Variants in RPF1 observed in about 807,000 individuals in gnomAD.
RPF1 encodes the protein ribosome production factor 1.
In RPF1, 34 loss-of-function variants were observed where a neutral mutation model predicts 41.9. The ratio of observed to expected loss-of-function variants is 0.81; its 90% confidence interval spans 0.62 to 1.08. The LOEUF (loss-of-function observed/expected upper bound fraction) is 1.08. Ranked by LOEUF, RPF1 falls within the 50% of genes least tolerant of loss-of-function variation. The pLI, the probability that RPF1 is intolerant of heterozygous loss-of-function variation, is 0.00. For missense variants in RPF1, 425 were observed against 435.2 expected, an observed-to-expected ratio of 0.98 and a Z score of 0.21; for synonymous variants, 140 against 148.9, an observed-to-expected ratio of 0.94 and a Z score of 0.43.
Position 84,485,089 on chromosome 1 carries a change from T to C in RPF1, c.366+2094T>C, listed in dbSNP as rs1012788095. Among the ~76,000 whole-genome samples the C allele has an allele frequency of 8.6e-5, 13 of 152,004 alleles. No individual in the cohort carries two copies. The East Asian group carries it at 1.7e-3, about 20-fold the overall frequency. ...TTATTTATGTTTCATATACATCTTA[T>C]ACACATAGCCTAAAGGTAACTTTTT... is the stretch of plus-strand genomic sequence containing the variant. On this transcript the variant is annotated intron_variant, in intron 3 of 8. Transcript: ENST00000370654.
rs1681972279 is a variant in RPF1 at position 84,497,889 on chromosome 1, T to G, written c.*419T>G. The stretch of plus-strand genomic sequence containing the variant: ...AATGGAGGCCAGGTTTCTGGATGTT[T>G]TAACATTCTCTTAAGCCTTCAGAAG... On this transcript the variant is annotated 3_prime_UTR_variant, in exon 9 of 9. Transcript: ENST00000370654. The G allele has an allele frequency of 6.5e-6, 1 of 154,368 alleles. No individual in the cohort carries two copies. The highest frequency in any genetic ancestry group is 2.4e-5 in the African/African-American group (1 of 41,552). 9.6% of individuals were successfully genotyped at this position (154,368 alleles called of 1,614,324 possible).
intron 3 of RPF1, among the ~76,000 whole-genome samples, chr1:84,484,788 C>T (rs886863018): frequency 1.3e-5 from 2 of 150,760 alleles, no homozygotes; most frequent in South Asian, 2.1e-4. Flanking sequence ...CAGGTTCAAG[C>T]GATTCTCCTG....
At chr1:84,494,985 C>T (rs192177462) in intron 5 of RPF1, among the ~76,000 whole-genome samples, 29 of 152,198 alleles carry the variant, frequency 1.9e-4, no homozygotes, top group African/African-American at 6.5e-4. Flanking sequence ...ATCTTTAGAA[C>T]GTGGAGGTAA....
At chr1:84,480,113 T>A (rs1328327803) in intron 1 of RPF1, among the ~76,000 whole-genome samples, 2 of 152,222 alleles carry the variant, frequency 1.3e-5, no homozygotes, top group Non-Finnish European at 2.9e-5. Flanking sequence ...TGCTTATTCT[T>A]GCACATCGTA....
At chr1:84,495,285 G>A (rs1243592066) in intron 5 of RPF1, 88 bp from the exon 6 acceptor site, 3 of 708,104 alleles carry the variant, frequency 4.2e-6, no homozygotes, top group African/African-American at 1.8e-5. Flanking sequence ...ACAGATTTTA[G>A]GGGCCTTTGG....
rs1024311403 is a variant in RPF1 at position 84,497,367 on chromosome 1, T to C, written c.1009-62T>C. The C allele has an allele frequency of 1.7e-4, 244 of 1,399,988 alleles. 2 individuals are homozygous for C. The highest frequency in any genetic ancestry group is 4.1e-5 in the Non-Finnish European group (41 of 994,298). The allele number at this position is 1,399,988 out of a possible 1,614,324, so 86.7% of individuals were successfully genotyped here. The stretch of plus-strand genomic sequence containing the variant: ...GGACGTTAACTTTTACTGTCTTACC[T>C]GAATTGTTAATTATATTTTTGTTTT... On this transcript the variant is annotated intron_variant, in intron 8 of 8. Transcript: ENST00000370654.
intron 3 of RPF1, among the ~76,000 whole-genome samples, chr1:84,488,482 C>T (rs1221786463): frequency 6.6e-6 from 1 of 151,998 alleles, no homozygotes; most frequent in African/African-American, 2.4e-5. Context: ...GTTGGGATAT[C>T]GTTTTCATTT....
Position 84,479,286 on chromosome 1 carries a change from C to G in RPF1, c.5C>G (p.Ala2Gly). 1.9e-6 allele frequency: 3 copies of G among 1,596,314 alleles called. No homozygotes were observed. The highest frequency in any genetic ancestry group is 2.6e-6 in the Non-Finnish European group (3 of 1,171,776). Residue 2 changes from alanine to glycine, a missense_variant, in exon 1 of 9, where the codon GCG (alanine) becomes GGG (glycine). Coordinates refer to ENST00000370654, the MANE Select transcript of RPF1 (RefSeq NM_025065.7). M[A>G]KAGDKSSSSG... ...GGAAGCAAAGGAGCCAAGACCATGG[C>G]GAAAGCCGGGGATAAGAGCAGCAGC...
In RPF1 at chr1:84,497,698, T is replaced by C. The variant is rs965127411; in HGVS notation, c.*228T>C. 4.9e-6 allele frequency: 2 copies of C among 405,760 alleles called. No homozygotes were observed. The highest frequency in any genetic ancestry group is 9.0e-6 in the Non-Finnish European group (2 of 222,634). 25.1% of individuals were successfully genotyped at this position (405,760 alleles called of 1,614,324 possible). ...TTCCTTAAACTTAGTTCTCTTGTTTTTGGGTAACTGTGAATAATTAAGTTG... is the reference window on the plus strand; with the variant it reads ...TTCCTTAAACTTAGTTCTCTTGTTTCTGGGTAACTGTGAATAATTAAGTTG... On this transcript the variant is annotated 3_prime_UTR_variant, in exon 9 of 9. Transcript: ENST00000370654.
chr1:84,496,823 A>C (rs1360364459), intron 8 of RPF1, among the ~76,000 whole-genome samples: 1 of 152,158 alleles, frequency 6.6e-6, no homozygotes, highest in Non-Finnish European at 1.5e-5. Context: ...GTTTTCTTAG[A>C]AGTTTGGAGA....
chr1:84,485,657 T>G (rs1681723407), intron 3 of RPF1, among the ~76,000 whole-genome samples: 1 of 152,258 alleles, frequency 6.6e-6, no homozygotes, highest in South Asian at 2.1e-4. Flanking sequence ...TTTCTCATAC[T>G]GGTTATGTTT....
chr1:84,491,201 G>A (rs1158811394), intron 5 of RPF1, among the ~76,000 whole-genome samples: 6 of 152,068 alleles, frequency 3.9e-5, no homozygotes, highest in Non-Finnish European at 8.8e-5. Context: ...AGGATATCTA[G>A]GTTTGTTATT....
intron 1 of RPF1, 135 bp downstream of exon 1, chr1:84,479,644 G>C: frequency 1.2e-6 from 1 of 802,530 alleles, no homozygotes; most frequent in Non-Finnish European, 2.0e-6. Context: ...GTGGCGTCGC[G>C]GCCCACGTGT....
At chr1:84,481,657 TAAG>T (rs1279355108) in intron 2 of RPF1, among the ~76,000 whole-genome samples, 2 of 152,216 alleles carry the variant, frequency 1.3e-5, no homozygotes, top group East Asian at 1.9e-4. Context: ...GTGGTACTCA[TAAG>T]AAGTGAAATC....
chr1:84,495,935 T>C lies in RPF1; in HGVS notation c.753T>C (p.Phe251=). 6.2e-7 allele frequency: 1 copy of C among 1,611,290 alleles called. No homozygotes were observed. The highest frequency in any genetic ancestry group is 8.5e-7 in the Non-Finnish European group (1 of 1,177,726). ...EHIPEIILNN[F]TTRLGHSIGR... The stretch of plus-strand genomic sequence containing the variant: ...TACCTGAAATAATTCTGAATAATTT[T>C]ACAACACGGCTGGGTCATTCAATTG... The change falls in exon 7 of 9, where the codon TTT becomes TTC. Residue 251 remains phenylalanine, a synonymous_variant. Coordinates refer to ENST00000370654, the MANE Select transcript of RPF1 (RefSeq NM_025065.7).
In RPF1 at chr1:84,497,700, G is replaced by T. The variant is rs777296219; in HGVS notation, c.*230G>T. On this transcript the variant is annotated 3_prime_UTR_variant, in exon 9 of 9. Transcript: ENST00000370654. ...CCTTAAACTTAGTTCTCTTGTTTTT[G>T]GGTAACTGTGAATAATTAAGTTGGA... The T allele has an allele frequency of 1.3e-4, 52 of 395,054 alleles. No homozygotes were observed. The highest frequency in any genetic ancestry group is 9.0e-4 in the African/African-American group (43 of 47,852). The allele number at this position is 395,054 out of a possible 1,614,324, so 24.5% of individuals were successfully genotyped here. A position where few individuals can be genotyped will look rare whatever the true frequency, so the allele number is the denominator to read the frequency against.
rs376542240 is a variant in RPF1, at chr1:84,489,702, A to C, written c.436A>C (p.Ile146Leu). 9 of 1,599,266 alleles carry C rather than the reference A, an allele frequency of 5.6e-6. No homozygotes were observed. Among genetic ancestry groups the C allele is most frequent in the Admixed American group, 3.3e-5 (2 of 59,986 alleles). ...FNKQTSPKIL[I>L]TTSDRPHGRT... ...CAAACAGACTTCTCCCAAGATTCTC[A>C]TCACAACATCAGATAGACCTCATGG... Residue 146 changes from isoleucine (I) to leucine (L), a missense_variant, in exon 4 of 9, where the codon ATC becomes CTC. Physicochemically the swap from Ile to Leu is conservative, Grantham distance 5 (BLOSUM62 2). Coordinates refer to ENST00000370654, the MANE Select transcript of RPF1 (RefSeq NM_025065.7).
chr1:84,495,411 G>A lies in RPF1; in HGVS notation c.655G>A (p.Ala219Thr). The change falls in exon 6 of 9, where the codon GCT becomes ACT. Residue 219 changes from alanine (A) to threonine (T), a missense_variant. Coordinates refer to ENST00000370654, the MANE Select transcript of RPF1 (RefSeq NM_025065.7). ...ILSHLPNGPTAHFKMSSVRLR... is the reference protein window; with the variant it reads ...ILSHLPNGPTTHFKMSSVRLR... ...GAGTCACTTGCCAAATGGCCCAACT[G>A]CTCATTTTAAAATGAGCAGTGTTCG... 2 of 1,542,310 alleles carry A rather than the reference G, an allele frequency of 1.3e-6. No homozygotes were observed. The highest frequency in any genetic ancestry group is 1.8e-6 in the Non-Finnish European group (2 of 1,130,414).
At chr1:84,495,130 TTAAC>T (rs757410170) in intron 5 of RPF1, among the ~76,000 whole-genome samples, 178 of 152,306 alleles carry the variant, frequency 1.2e-3, no homozygotes, top group Non-Finnish European at 1.3e-3. Flanking sequence ...TTGAGCGTGA[TTAAC>T]TATTATATTG....
Sources: allele counts gnomAD v4.1 joint callset (sites outside exome capture counted in the v4.1 genomes callset), GRCh38; gene constraint gnomAD v4.1.1; transcripts MANE v1.5; gene names NCBI Gene and HGNC (gene_info 2026-07-23, HGNC 2026-07-21).